Variants in ROBO1 observed in about 807,000 individuals in gnomAD.
ROBO1 encodes the protein roundabout homolog 1.
ROBO1 carries 149 observed loss-of-function variants against 195.9 expected under a neutral mutation model. The ratio of observed to expected loss-of-function variants is 0.76; its 90% CI spans 0.67 to 0.87. The LOEUF is 0.87. ROBO1 is among the 40% of genes least tolerant of loss of function. The pLI is 0.00. For missense variants in ROBO1, 1,933 were observed against 2,068.3 expected, an observed-to-expected ratio of 0.93 and a Z score of 1.27; for synonymous variants, 816 against 733.2, an observed-to-expected ratio of 1.11 and a Z score of -1.82.
chr3:79,022,920 G>GC (rs774637886), intron 3 of ROBO1, among the ~76,000 whole-genome samples: 1 of 152,110 alleles, frequency 6.6e-6, no homozygotes, highest in Middle Eastern at 3.2e-3. Context: ...CTCTTGCGTT[G>GC]CTCCAATGAT....
At chr3:79,061,310 C>T (rs2078912935) in intron 3 of ROBO1, among the ~76,000 whole-genome samples, 1 of 152,090 alleles carries the variant, frequency 6.6e-6, no homozygotes, top group African/African-American at 2.4e-5. Context: ...TGAAGGACCT[C>T]TTCAAGGAGA....
At chr3:78,973,957 A>T (rs949161302) in intron 3 of ROBO1, among the ~76,000 whole-genome samples, 2 of 152,090 alleles carry the variant, frequency 1.3e-5, no homozygotes, top group African/African-American at 2.4e-5. Flanking sequence ...GCATTGTACA[A>T]CTTTGGTCTA....
At chr3:79,368,418 A>T (rs1415756950) in intron 2 of ROBO1, among the ~76,000 whole-genome samples, 1 of 152,128 alleles carries the variant, frequency 6.6e-6, no homozygotes, top group Non-Finnish European at 1.5e-5. Context: ...TCTGCGCATT[A>T]AAAGAGAGTA....
chr3:78,830,623 A>G (rs2032085297), intron 4 of ROBO1, among the ~76,000 whole-genome samples: 1 of 152,164 alleles, frequency 6.6e-6, no homozygotes, highest in Non-Finnish European at 1.5e-5. Context: ...CTAACTCACT[A>G]TCATGAGAGC....
chr3:79,746,734 CA>C (rs1666690695), intron 1 of ROBO1, among the ~76,000 whole-genome samples: 2 of 152,038 alleles, frequency 1.3e-5, no homozygotes, highest in South Asian at 4.2e-4. Context: ...ACAAATAAAT[CA>C]AAACACATGA....
intron 4 of ROBO1, among the ~76,000 whole-genome samples, chr3:78,749,655 C>G (rs2082739918): frequency 1.3e-5 from 2 of 152,080 alleles, no homozygotes; most frequent in African/African-American, 4.8e-5. Flanking sequence ...CTATATGAAA[C>G]TTTTAGTTAA....
chr3:79,332,690 T>A (rs2034496011), intron 2 of ROBO1, among the ~76,000 whole-genome samples: 1 of 152,148 alleles, frequency 6.6e-6, no homozygotes, highest in South Asian at 2.1e-4. Flanking sequence ...ACTGTCAGTG[T>A]TTTGGAAATG....
In ROBO1 at chr3:79,682,448, G is replaced by A. The variant is rs72895952; in HGVS notation, c.-51+85304C>T. Among the ~76,000 whole-genome samples, 1,057 of 151,916 alleles carry A rather than the reference G, an allele frequency of 7.0e-3. 12 individuals are homozygous for A. The highest frequency in any genetic ancestry group is 0.023 in the African/African-American group (972 of 41,480). On this transcript the variant is annotated intron_variant, in intron 1 of 30. Transcript: ENST00000464233. ...AATAAATTGCTTGAAGAAAGTAAGC[G>A]TTAATAAAAACAAATTATGGACACC...
chr3:78,663,673 CCTGAGGG>C (rs1464920494), intron 14 of ROBO1, among the ~76,000 whole-genome samples: 1 of 152,190 alleles, frequency 6.6e-6, no homozygotes, highest in Non-Finnish European at 1.5e-5. Flanking sequence ...GGCAGCTAAT[CCTGAGGG>C]CTGTGGTAAA....
intron 3 of ROBO1, among the ~76,000 whole-genome samples, chr3:78,988,046 T>C (rs530037533): frequency 1.1e-4 from 16 of 152,262 alleles, no homozygotes; most frequent in Admixed American, 2.6e-4. Context: ...TTAATAACTT[T>C]TGGTGAGTAA....
chr3:79,231,619 G>A (rs2108852630), intron 2 of ROBO1, among the ~76,000 whole-genome samples: 1 of 152,286 alleles, frequency 6.6e-6, no homozygotes, highest in South Asian at 2.1e-4. Flanking sequence ...TGGTGGGAAT[G>A]TAAATTAGTT....
chr3:79,150,610 C>A (rs2080747849), intron 2 of ROBO1, among the ~76,000 whole-genome samples: 1 of 151,672 alleles, frequency 6.6e-6, no homozygotes, highest in African/African-American at 2.4e-5. Context: ...GACAATTCAG[C>A]ATACAGGCCC....
intron 29 of ROBO1, among the ~76,000 whole-genome samples, chr3:78,606,327 T>C (rs1703455418): frequency 6.6e-6 from 1 of 152,150 alleles, no homozygotes; most frequent in Admixed American, 6.5e-5. Context: ...CATGTGCCAA[T>C]ATGCCCAGCT....
At chr3:79,367,737 A>C (rs1366872684) in intron 2 of ROBO1, among the ~76,000 whole-genome samples, 1 of 152,194 alleles carries the variant, frequency 6.6e-6, no homozygotes, top group Non-Finnish European at 1.5e-5. Flanking sequence ...TTGCTTATTC[A>C]GGGGCCCTGA....
At chr3:79,164,353 C>T (rs2081025732) in intron 2 of ROBO1, among the ~76,000 whole-genome samples, 1 of 152,094 alleles carries the variant, frequency 6.6e-6, no homozygotes, top group Non-Finnish European at 1.5e-5. Context: ...ATCAGAAGGA[C>T]ACATATTTGT....
chr3:79,741,310 T>C (rs898287604), intron 1 of ROBO1, among the ~76,000 whole-genome samples: 4 of 152,236 alleles, frequency 2.6e-5, no homozygotes, highest in Non-Finnish European at 5.9e-5. Flanking sequence ...AGTAGGGTAT[T>C]GTAATAGAGA....
At chr3:79,150,762 C>T (rs1374227926) in intron 2 of ROBO1, among the ~76,000 whole-genome samples, 1 of 151,806 alleles carries the variant, frequency 6.6e-6, no homozygotes, top group African/African-American at 2.4e-5. Flanking sequence ...TGCATAGTGT[C>T]TCAAGTTTAC....
At chr3:78,993,646 G>A (rs973407972) in intron 3 of ROBO1, among the ~76,000 whole-genome samples, 5 of 152,046 alleles carry the variant, frequency 3.3e-5, no homozygotes, top group African/African-American at 4.8e-5. Context: ...CCTTTACAAC[G>A]TGAATCACAC....
chr3:79,723,352 T>A (rs370476753), intron 1 of ROBO1, among the ~76,000 whole-genome samples: 2 of 152,184 alleles, frequency 1.3e-5, no homozygotes, highest in African/African-American at 4.8e-5. Context: ...GAAATGTGAG[T>A]TGATGTTCCC....
Sources: gnomAD v4.1 joint callset for allele counts (sites outside exome capture counted in the v4.1 genomes callset) on GRCh38, gnomAD v4.1.1 for gene constraint, MANE v1.5 for transcripts, NCBI Gene and HGNC (gene_info 2026-07-23, HGNC 2026-07-21) for gene names.